The following DST variants were observed in gnomAD, a reference collection of about 807,000 sequenced individuals.
The protein encoded by DST is dystonin.
DST carries 253 observed loss-of-function variants against 875.2 expected under a neutral mutation model. The observed-to-expected ratio is 0.29, with a 90% CI of 0.26 to 0.32. The LOEUF is 0.32. DST is among the 10% of genes least tolerant of loss of function. DST has a pLI of 1.00. For missense variants in DST, 8,287 were observed against 9,111.6 expected (o/e 0.91, Z 3.68); for synonymous variants, 3,124 against 3,197.1 (o/e 0.98, Z 0.77).
At chr6:56,511,146 G>A in intron 73 of DST, 51 bp downstream of exon 73, 1 of 1,430,570 alleles carries the variant, frequency 7.0e-7, no homozygotes, top group Non-Finnish European at 9.6e-7. Context: ...ATGTCTTTCT[G>A]TGCTCTGTTG....
At chr6:56,732,142 G>C (rs59162324) in intron 5 of DST, among the ~76,000 whole-genome samples, 7,901 of 152,166 alleles carry the variant, frequency 0.052, 613 homozygotes, top group African/African-American at 0.17. Context: ...TCACTAATCA[G>C]CCAGATGAAA....
At chr6:56,936,521 G>A (rs940030854) in intron 2 of DST, among the ~76,000 whole-genome samples, 1 of 152,078 alleles carries the variant, frequency 6.6e-6, no homozygotes, top group African/African-American at 2.4e-5. Context: ...GAGGTGAGAA[G>A]GACAATTCTT....
At chr6:56,694,744 T>TA (rs1450829163) in intron 9 of DST, among the ~76,000 whole-genome samples, 1 of 152,082 alleles carries the variant, frequency 6.6e-6, no homozygotes, top group African/African-American at 2.4e-5. Context: ...GAGATGGGCC[T>TA]AGTGGGGGGT....
chr6:56,816,154 A>T (rs941194863), intron 4 of DST, among the ~76,000 whole-genome samples: 2 of 152,180 alleles, frequency 1.3e-5, no homozygotes. Context: ...CAATCTCATT[A>T]ATATCACAAT....
At chr6:56,567,940 T>C (rs1222272483) in intron 55 of DST, among the ~76,000 whole-genome samples, 1 of 152,198 alleles carries the variant, frequency 6.6e-6, no homozygotes, top group Non-Finnish European at 1.5e-5. Flanking sequence ...CAACCATGAC[T>C]TAGATTGCGA....
chr6:56,674,329 A>G (rs1728305288), intron 9 of DST, among the ~76,000 whole-genome samples: 1 of 150,956 alleles, frequency 6.6e-6, no homozygotes, highest in Admixed American at 6.6e-5. Flanking sequence ...ACGGAGTCTC[A>G]CTCTGTCGCT....
intron 4 of DST, among the ~76,000 whole-genome samples, chr6:56,741,667 T>A (rs1487317639): frequency 6.6e-6 from 1 of 152,212 alleles, no homozygotes; most frequent in Admixed American, 6.5e-5. Context: ...GATTACACCA[T>A]CTAATTTTCC....
At chr6:56,855,841 G>A (rs1767595544) in intron 3 of DST, among the ~76,000 whole-genome samples, 1 of 152,264 alleles carries the variant, frequency 6.6e-6, no homozygotes, top group South Asian at 2.1e-4. Flanking sequence ...AACCTAATGT[G>A]CACTTCCTTG....
Position 56,735,287 on chromosome 6 carries a change from C to A in DST, c.628G>T (p.Glu210Ter). Residue 210 changes from glutamate to a stop codon, truncating the protein, a stop_gained and splice_region_variant, in exon 5 of 104, where the codon GAA (glutamate) becomes TAA (stop). Coordinates refer to ENST00000680361, the MANE Select transcript of DST (RefSeq NM_001374736.1). LOFTEE classifies it high-confidence loss of function. ...AERAVLRIAD[E>*]RDKVQKKTFT... ...GTTTTCTTCTGAACTTTGTCCCGTT[C>A]ATCTGGAAGGAAAAAATATATATAA... 6.5e-7 allele frequency: 1 copy of A among 1,534,274 alleles called. No homozygotes were observed. Among genetic ancestry groups the A allele is most frequent in the Non-Finnish European group, 8.8e-7 (1 of 1,131,668 alleles).
intron 64 of DST, among the ~76,000 whole-genome samples, chr6:56,530,437 A>G (rs1378324050): frequency 6.6e-6 from 1 of 152,202 alleles, no homozygotes; most frequent in Non-Finnish European, 1.5e-5. Flanking sequence ...TAATAACAGC[A>G]GTAATAGTAA....
At chr6:56,539,650 A>G (rs2097089051) in intron 61 of DST, among the ~76,000 whole-genome samples, 1 of 152,186 alleles carries the variant, frequency 6.6e-6, no homozygotes, top group African/African-American at 2.4e-5. Flanking sequence ...GAGTGGGAAG[A>G]AAAAAATTAC....
chr6:56,779,836 T>C (rs901589461), intron 4 of DST, among the ~76,000 whole-genome samples: 11 of 150,094 alleles, frequency 7.3e-5, no homozygotes, highest in African/African-American at 2.7e-4. Flanking sequence ...TAACTCGTCA[T>C]TTAGCATTAG....
intron 73 of DST, 65 bp from the exon 74 acceptor site, chr6:56,509,938 A>T: frequency 8.0e-7 from 1 of 1,245,602 alleles, no homozygotes; most frequent in Non-Finnish European, 1.1e-6. Flanking sequence ...TGAAATTTAA[A>T]TGAAAAAACA....
chr6:56,893,562 CTTTT>C (rs1282483681), intron 3 of DST, among the ~76,000 whole-genome samples: 11 of 35,900 alleles, frequency 3.1e-4, no homozygotes, highest in South Asian at 9.8e-4. Context: ...ACTTTTAGTT[CTTTT>C]TTTTTTTTTT....
intron 10 of DST, among the ~76,000 whole-genome samples, chr6:56,664,469 C>T (rs779760356): frequency 1.3e-5 from 2 of 152,172 alleles, no homozygotes; most frequent in Non-Finnish European, 2.9e-5. Flanking sequence ...GGAACAAGCA[C>T]TACTGTCTGG....
At chr6:56,801,532 G>C (rs544215409) in intron 4 of DST, among the ~76,000 whole-genome samples, 3 of 152,084 alleles carry the variant, frequency 2.0e-5, no homozygotes, top group African/African-American at 7.2e-5. Flanking sequence ...AAAATGTCCA[G>C]AGAGAATTAA....
chr6:56,719,785 C>G (rs1356822775), intron 5 of DST, among the ~76,000 whole-genome samples: 4 of 152,236 alleles, frequency 2.6e-5, no homozygotes, highest in East Asian at 1.9e-4. Context: ...CGGTAGGTTC[C>G]ATGATGCCCC....
At chr6:56,477,595 A>T in intron 90 of DST, 107 bp from the exon 91 acceptor site, 1 of 1,405,696 alleles carries the variant, frequency 7.1e-7, no homozygotes. Context: ...AAAAACTTCA[A>T]TTGGTTTATT....
intron 2 of DST, among the ~76,000 whole-genome samples, chr6:56,905,165 C>G (rs1409852553): frequency 1.4e-4 from 22 of 152,120 alleles, no homozygotes; most frequent in Admixed American, 1.4e-3. Flanking sequence ...ATTTTTAGGA[C>G]ACCCCAAATT....
Sources: allele counts gnomAD v4.1 joint callset (sites outside exome capture counted in the v4.1 genomes callset), GRCh38; gene constraint gnomAD v4.1.1; transcripts MANE v1.5; gene names NCBI Gene and HGNC (gene_info 2026-07-23, HGNC 2026-07-21).